The following RBM19 variants were observed in gnomAD, a reference collection of about 807,000 sequenced individuals.
The protein encoded by RBM19 is RNA binding motif protein 19, also known as probable RNA-binding protein 19.
A neutral mutation model predicts 116.8 loss-of-function variants in RBM19; 94 were observed. The observed-to-expected ratio is 0.80, with a 90% confidence interval of 0.68 to 0.95. The LOEUF is 0.95. Among genes scored for constraint, RBM19 ranks in the 40% least tolerant of loss-of-function variants. The pLI is 0.00. For synonymous variants in RBM19, 475 were observed against 494.1 expected, an observed-to-expected ratio of 0.96 and a Z score of 0.51; for missense variants, 1,161 against 1,220.7, an observed-to-expected ratio of 0.95 and a Z score of 0.73.
intron 21 of RBM19, among the ~76,000 whole-genome samples, chr12:113,883,449 G>A (rs899753489): frequency 2.6e-5 from 4 of 152,376 alleles, no homozygotes; most frequent in Admixed American, 1.3e-4. Context: ...CAAATACTGA[G>A]AAAGACCCTC....
chr12:113,895,793 G>GA (rs1264947216), intron 21 of RBM19, among the ~76,000 whole-genome samples: 1 of 150,420 alleles, frequency 6.6e-6, no homozygotes, highest in East Asian at 2.0e-4. Flanking sequence ...TTTTAAAAAA[G>GA]AAAAAATCTT....
intron 20 of RBM19, 74 bp from the exon 21 acceptor site, chr12:113,915,159 G>A (rs1882698407): frequency 5.1e-6 from 6 of 1,167,646 alleles, no homozygotes; most frequent in Admixed American, 3.4e-5. Flanking sequence ...ACTCCACTAC[G>A]CCTCCATCAG....
At position 113,933,665 on chromosome 12, in the gene RBM19, C is replaced by T. The variant is rs370188633; in HGVS notation, c.2068+3342G>A. On this transcript the variant is annotated intron_variant, in intron 16 of 23. Coordinates refer to ENST00000261741, the MANE Select transcript of RBM19 (RefSeq NM_016196.4). Reference sequence around the variant, plus strand: ...TAGACCCAGGAAGCAGGGGGACCCGCGGGCAGGGGGTGGGAAAACACTCTG... The same window carrying T: ...TAGACCCAGGAAGCAGGGGGACCCGTGGGCAGGGGGTGGGAAAACACTCTG... 4.1e-4 allele frequency among the ~76,000 whole-genome samples: 62 copies of T among 152,254 alleles called. 1 individual carries two copies. In the South Asian group the frequency reaches 0.012, roughly 29 times the overall value.
intron 6 of RBM19, among the ~76,000 whole-genome samples, chr12:113,956,576 C>CAAAAAAAAAAAAAA (rs10592306): frequency 1.5e-5 from 1 of 66,234 alleles, no homozygotes. Context: ...AAGACTGTCT[C>CAAAAAAAAAAAAAA]AAAAAAAAAA....
intron 13 of RBM19, among the ~76,000 whole-genome samples, chr12:113,943,248 C>A (rs1399119092): frequency 6.6e-6 from 1 of 152,200 alleles, no homozygotes; most frequent in African/African-American, 2.4e-5. Context: ...CATCGGAAAG[C>A]ACCAGAGGAA....
At chr12:113,920,030 TGCCACAGTG>T (rs1411917025) in intron 19 of RBM19, among the ~76,000 whole-genome samples, 4 of 152,160 alleles carry the variant, frequency 2.6e-5, no homozygotes, top group African/African-American at 9.7e-5. Flanking sequence ...ACGCCGCCCC[TGCCACAGTG>T]GCCTCTTAGC....
chr12:113,827,160 T>G (rs1874940778), intron 23 of RBM19, among the ~76,000 whole-genome samples: 1 of 152,176 alleles, frequency 6.6e-6, no homozygotes, highest in Non-Finnish European at 1.5e-5. Context: ...ACAAACATAA[T>G]GCAGAACCGG....
At chr12:113,883,050 G>C (rs1880259761) in intron 21 of RBM19, among the ~76,000 whole-genome samples, 1 of 152,314 alleles carries the variant, frequency 6.6e-6, no homozygotes, top group East Asian at 1.9e-4. Context: ...GACAGAGAGA[G>C]AGAGAGAGGG....
chr12:113,899,300 T>G (rs1490669882), intron 21 of RBM19, among the ~76,000 whole-genome samples: 2 of 152,094 alleles, frequency 1.3e-5, no homozygotes, highest in Non-Finnish European at 2.9e-5. Flanking sequence ...GCAGCCCGAG[T>G]GTATTACTGA....
At chr12:113,843,065 T>A (rs1876638784) in intron 23 of RBM19, among the ~76,000 whole-genome samples, 1 of 152,236 alleles carries the variant, frequency 6.6e-6, no homozygotes, top group African/African-American at 2.4e-5. Flanking sequence ...TCCTGCTGCA[T>A]TGCTGAGACG....
At chr12:113,912,536 A>G (rs1882497880) in intron 21 of RBM19, among the ~76,000 whole-genome samples, 1 of 152,194 alleles carries the variant, frequency 6.6e-6, no homozygotes, top group Non-Finnish European at 1.5e-5. Context: ...CCCAGGCAGG[A>G]CACTCCATCT....
chr12:113,876,563 GGAGGATCATTT>G (rs1048697433), intron 21 of RBM19, among the ~76,000 whole-genome samples: 82 of 152,266 alleles, frequency 5.4e-4, no homozygotes, highest in African/African-American at 1.9e-3. Context: ...GGCTGAGGTG[GGAGGATCATTT>G]GAGCTCAGGA....
chr12:113,941,584 A>T (rs960008284), intron 14 of RBM19, among the ~76,000 whole-genome samples: 11 of 141,126 alleles, frequency 7.8e-5, no homozygotes, highest in South Asian at 2.4e-4. Context: ...GTATTCATCC[A>T]CCATCCATCC....
chr12:113,949,537 T>A (rs1421218429), intron 9 of RBM19, among the ~76,000 whole-genome samples: 2 of 152,202 alleles, frequency 1.3e-5, no homozygotes, highest in Non-Finnish European at 2.9e-5. Flanking sequence ...CATCCTTCTC[T>A]AACACAACTC....
At chr12:113,936,840 T>C (rs1281266728) in intron 16 of RBM19, 167 bp downstream of exon 16, 1 of 888,734 alleles carries the variant, frequency 1.1e-6, no homozygotes, top group African/African-American at 1.7e-5. Context: ...GACACTGTTT[T>C]TTACAGGACA....
In RBM19 at chr12:113,955,165, A is replaced by ATGG. The variant is rs1871809438; in HGVS notation, c.886_887insCCA (p.Val296delinsAlaMet). On this transcript the variant is annotated protein_altering_variant, in exon 7 of 24. Coordinates refer to ENST00000261741, the MANE Select transcript of RBM19 (RefSeq NM_016196.4). ...ATTGAACGGGGCTCCCCGCAGCTTC[A>ATGG]CGGTGTGGCAGGTGGTGGGTTCCTT... 12 of 1,611,394 alleles carry ATGG rather than the reference A, an allele frequency of 7.4e-6. No homozygotes were observed. The highest frequency in any genetic ancestry group is 1.0e-5 in the Non-Finnish European group (12 of 1,177,882).
At position 113,877,846 on chromosome 12, in the gene RBM19, T is replaced by C. The variant is rs551711123; in HGVS notation, c.2559-18950A>G. ...AACGGATGGGCGAGTGAGGCCCAGC[T>C]CCTGCTCTCTAATGTCCACTGGGAC... On this transcript the variant is annotated intron_variant, in intron 21 of 23. Transcript: ENST00000261741. Among the ~76,000 whole-genome samples, 13 of 152,272 alleles carry C rather than the reference T, an allele frequency of 8.5e-5. No individual in the cohort carries two copies. The South Asian group carries it at 2.7e-3, about 32-fold the overall frequency.
chr12:113,962,540 T>C, intron 1 of RBM19, 126 bp from the exon 2 acceptor site: 1 of 903,010 alleles, frequency 1.1e-6, no homozygotes, highest in Non-Finnish European at 1.7e-6. Flanking sequence ...GGGCAGAGTG[T>C]ACTTTTCTAG....
intron 23 of RBM19, among the ~76,000 whole-genome samples, chr12:113,843,097 G>A (rs541229391): frequency 4.6e-5 from 7 of 152,184 alleles, no homozygotes; most frequent in African/African-American, 1.4e-4. Context: ...AAGCCCAGTC[G>A]TTTCGCCCTA....
Sources: gnomAD v4.1 joint callset for allele counts (sites outside exome capture counted in the v4.1 genomes callset) on GRCh38, gnomAD v4.1.1 for gene constraint, MANE v1.5 for transcripts, NCBI Gene and HGNC (gene_info 2026-07-23, HGNC 2026-07-21) for gene names.